The following PEPD variants were observed in gnomAD, a reference collection of about 807,000 sequenced individuals.
PEPD encodes peptidase D.
In PEPD, 53 loss-of-function variants were observed where a neutral mutation model predicts 60.7. The ratio of observed to expected loss-of-function variants is 0.87; its 90% CI spans 0.70 to 1.10. PEPD has a LOEUF of 1.10. Among genes scored for constraint, PEPD ranks in the 50% least tolerant of loss-of-function variants. PEPD has a pLI of 0.00. For synonymous variants in PEPD, 267 were observed against 284.1 expected, an observed-to-expected ratio of 0.94 and a Z score of 0.60; for missense variants, 711 against 711.9, an observed-to-expected ratio of 1.00 and a Z score of 0.01.
rs764929566 is a variant in PEPD, at chr19:33,387,893, G to A, written c.1341C>T (p.Gly447=). The A allele has an allele frequency of 1.7e-5, 27 of 1,564,594 alleles. No homozygotes were observed. Among genetic ancestry groups the A allele is most frequent in the Middle Eastern group, 1.9e-4 (1 of 5,380 alleles). ...REVLQRFRGF[G]GVRIEEDVVV... ...AATGGGGCCCGTGGGCACTCACCCC[G>A]CCAAAACCGCGAAAGCGCTGCAGGA... The change falls in exon 14 of 15, where the codon GGC becomes GGT. Residue 447 remains glycine (G), a synonymous_variant. Transcript: ENST00000244137.
chr19:33,440,959 G>A (rs1969470257), intron 9 of PEPD, among the ~76,000 whole-genome samples: 1 of 152,192 alleles, frequency 6.6e-6, no homozygotes, highest in Non-Finnish European at 1.5e-5. Flanking sequence ...CAGGATGGGT[G>A]GTGCATGATG....
At chr19:33,469,677 C>T (rs960693911) in intron 7 of PEPD, among the ~76,000 whole-genome samples, 14 of 152,226 alleles carry the variant, frequency 9.2e-5, no homozygotes, top group African/African-American at 2.9e-4. Context: ...CCATGGCCAC[C>T]GAAACAGCTT....
intron 9 of PEPD, among the ~76,000 whole-genome samples, chr19:33,434,690 T>C (rs1194845707): frequency 6.6e-6 from 1 of 151,786 alleles, no homozygotes; most frequent in Admixed American, 6.6e-5. Flanking sequence ...CCCAACCCCA[T>C]TTACTGGGTG....
At chr19:33,431,105 A>G (rs910903860) in intron 9 of PEPD, among the ~76,000 whole-genome samples, 3 of 147,196 alleles carry the variant, frequency 2.0e-5, no homozygotes, top group Non-Finnish European at 4.5e-5. Flanking sequence ...GCAAGATCCT[A>G]TGAAGGAAGG....
Position 33,422,131 on chromosome 19 carries a change from T to C in PEPD, c.672-8488A>G, listed in dbSNP as rs189344006. 3.7e-3 allele frequency among the ~76,000 whole-genome samples: 558 copies of C among 152,202 alleles called. 2 individuals carry two copies. The highest frequency in any genetic ancestry group is 0.013 in the African/African-American group (545 of 41,510). On this transcript the variant is annotated intron_variant, in intron 9 of 14. Coordinates refer to ENST00000244137, the MANE Select transcript of PEPD (RefSeq NM_000285.4). ...TCGAACTCCGCGCTGCTCCTGGAAC[T>C]GCCAGGCAAGTTCCCACCAGGCCAC...
rs952327269 is a variant in PEPD at position 33,461,443 on chromosome 19, G to A, written c.671+1552C>T. Among the ~76,000 whole-genome samples the A allele has an allele frequency of 3.9e-5, 6 of 152,202 alleles. No homozygotes were observed. In the East Asian group the frequency reaches 9.7e-4, roughly 25 times the overall value. On this transcript the variant is annotated intron_variant, in intron 9 of 14. Transcript: ENST00000244137. The stretch of plus-strand genomic sequence containing the variant: ...GGGCAGGGTCGGGCTCTGGGACGCT[G>A]TGGGGAGGGAGGCTCAGGGCCCCTC...
intron 5 of PEPD, among the ~76,000 whole-genome samples, chr19:33,491,736 A>T (rs1970504266): frequency 6.6e-6 from 1 of 152,190 alleles, no homozygotes; most frequent in South Asian, 2.1e-4. Context: ...GGAGAAAGGA[A>T]GGAGGAAGTA....
intron 9 of PEPD, among the ~76,000 whole-genome samples, chr19:33,429,498 C>A (rs892184771): frequency 1.3e-5 from 2 of 152,172 alleles, no homozygotes; most frequent in Non-Finnish European, 2.9e-5. Flanking sequence ...AAAGACGAAA[C>A]CATGTGGATA....
At chr19:33,474,667 G>A (rs890723574) in intron 7 of PEPD, among the ~76,000 whole-genome samples, 1 of 151,534 alleles carries the variant, frequency 6.6e-6, no homozygotes, top group Admixed American at 6.6e-5. Context: ...CTGGGTGACA[G>A]AGCAAGACTT....
intron 9 of PEPD, among the ~76,000 whole-genome samples, chr19:33,414,996 C>T (rs773281558): frequency 8.5e-5 from 13 of 152,206 alleles, no homozygotes; most frequent in Non-Finnish European, 1.5e-4. Flanking sequence ...CGCTGAGTTT[C>T]GCCACAGTCC....
intron 12 of PEPD, among the ~76,000 whole-genome samples, chr19:33,397,610 G>C (rs376395665): frequency 2.6e-5 from 4 of 151,880 alleles, no homozygotes; most frequent in Admixed American, 2.0e-4. Context: ...GGTAGGTGTG[G>C]GGGGGCTGCT....
chr19:33,392,852 C>T (rs1968258813), intron 12 of PEPD, among the ~76,000 whole-genome samples: 2 of 152,156 alleles, frequency 1.3e-5, no homozygotes, highest in Non-Finnish European at 2.9e-5. Flanking sequence ...TGAGAGTCCA[C>T]ACTGGGACAC....
chr19:33,448,574 C>G (rs886826337), intron 9 of PEPD, among the ~76,000 whole-genome samples: 2 of 152,112 alleles, frequency 1.3e-5, no homozygotes, highest in East Asian at 1.9e-4. Flanking sequence ...AAATACATGA[C>G]CCTTTCGACT....
At position 33,410,927 on chromosome 19, in the gene PEPD, C is replaced by T. The variant is rs186834020; in HGVS notation, c.818+745G>A. ...ACGTGCAGGGCACAGGCAAAGAACGCGGAGGGACTGAGCAGAGGCCAGGCT... is the reference window on the plus strand; with the variant it reads ...ACGTGCAGGGCACAGGCAAAGAACGTGGAGGGACTGAGCAGAGGCCAGGCT... On this transcript the variant is annotated intron_variant, in intron 11 of 14. Coordinates refer to ENST00000244137, the MANE Select transcript of PEPD (RefSeq NM_000285.4). 1.7e-4 allele frequency among the ~76,000 whole-genome samples: 26 copies of T among 152,186 alleles called. 1 individual carries two copies. In the South Asian group the frequency reaches 3.7e-3, roughly 22 times the overall value.
Position 33,387,355 on chromosome 19 carries a change from C to T in PEPD, c.1471G>A (p.Gly491Ser), listed in dbSNP as rs758571721. 3 of 1,613,970 alleles carry T rather than the reference C, an allele frequency of 1.9e-6. No individual in the cohort carries two copies. The highest frequency in any genetic ancestry group is 2.5e-6 in the Non-Finnish European group (3 of 1,180,028). Residue 491 changes from glycine (G) to serine (S), a missense_variant, in exon 15 of 15, where the codon GGC (glycine) becomes AGC (serine). Transcript: ENST00000244137. ...ATTTCTGGCTGGCTCTACTTGGGGC[C>T]AGAGAAGGGGGTAAAGGCCTTGTCA... is the stretch of plus-strand genomic sequence containing the variant. ...GCDKAFTPFS[G>S]PK
chr19:33,388,547 T>C (rs1968134771), intron 13 of PEPD: 4 of 284,008 alleles, frequency 1.4e-5, no homozygotes, highest in Middle Eastern at 1.4e-3. Context: ...CCAGAAGTCG[T>C]GGTCCCAGCT....
At chr19:33,506,106 ACC>A (rs1281933427) in intron 3 of PEPD, among the ~76,000 whole-genome samples, 1 of 129,198 alleles carries the variant, frequency 7.7e-6, no homozygotes, top group African/African-American at 3.0e-5. Flanking sequence ...ACCCACACAC[ACC>A]CTCATTACAC....
chr19:33,420,726 T>C (rs991275293), intron 9 of PEPD, among the ~76,000 whole-genome samples: 2 of 149,206 alleles, frequency 1.3e-5, no homozygotes, highest in African/African-American at 5.0e-5. Flanking sequence ...AATAAATAAA[T>C]AAAAATGATT....
Position 33,401,587 on chromosome 19 carries a change from C to A in PEPD, c.967+134G>T, listed in dbSNP as rs1000751275. ...CCTGGAGACCTGACGCCACTGGAAT[C>A]TCAGGGACTAAGCATCTGGAGTGTG... On this transcript the variant is annotated intron_variant, in intron 12 of 14. Coordinates refer to ENST00000244137, the MANE Select transcript of PEPD (RefSeq NM_000285.4). The A allele has an allele frequency of 1.0e-5, 9 of 858,704 alleles. No homozygotes were observed. The African/African-American group carries it at 1.5e-4, about 14-fold the overall frequency. 53.2% of individuals were successfully genotyped at this position (858,704 alleles called of 1,614,324 possible). A position where few individuals can be genotyped will look rare whatever the true frequency, so the allele number is the denominator to read the frequency against.
Sources: allele counts gnomAD v4.1 joint callset (sites outside exome capture counted in the v4.1 genomes callset), GRCh38; gene constraint gnomAD v4.1.1; transcripts MANE v1.5; gene names NCBI Gene and HGNC (gene_info 2026-07-23, HGNC 2026-07-21).